Variants in MDGA2 observed in about 807,000 individuals in gnomAD.
The protein encoded by MDGA2 is MAM domain containing glycosylphosphatidylinositol anchor 2.
Under a neutral mutation model 117.8 loss-of-function variants are expected in MDGA2, and 40 were observed. The observed-to-expected ratio is 0.34, with a 90% CI of 0.26 to 0.44. The LOEUF is 0.44. MDGA2 is among the 20% of genes least tolerant of loss of function. The pLI, the probability that MDGA2 is intolerant of heterozygous loss-of-function variation, is 1.00. For missense variants in MDGA2, 1,123 were observed against 1,250.6 expected (o/e 0.90, Z 1.54); for synonymous variants, 452 against 439.0 (o/e 1.03, Z -0.37).
In MDGA2 at chr14:46,882,345, T is replaced by C. The variant is rs1882495222; in HGVS notation, c.2239-124A>G. ...TACGTATATTAATGAATACGTATTA[T>C]TAAAGTTCAAGTTTCTATAATGATA... On this transcript the variant is annotated intron_variant, in intron 10 of 16. Transcript: ENST00000399232. 5.3e-6 allele frequency: 4 copies of C among 754,674 alleles called. No individual in the cohort carries two copies. In the East Asian group the frequency reaches 1.2e-4, roughly 22 times the overall value. 46.7% of individuals were successfully genotyped at this position (754,674 alleles called of 1,614,324 possible).
intron 1 of MDGA2, among the ~76,000 whole-genome samples, chr14:47,486,685 T>C (rs1012928494): frequency 1.3e-5 from 2 of 152,146 alleles, no homozygotes; most frequent in African/African-American, 2.4e-5. Flanking sequence ...TTTCCCATGC[T>C]GTTCTCATAA....
chr14:46,877,986 A>C (rs1371568807), intron 11 of MDGA2, among the ~76,000 whole-genome samples: 1 of 151,938 alleles, frequency 6.6e-6, no homozygotes, highest in East Asian at 1.9e-4. Flanking sequence ...AAAATAAAGC[A>C]ATCCTGATAT....
chr14:47,290,659 C>T (rs1888852622), intron 2 of MDGA2, among the ~76,000 whole-genome samples: 1 of 151,806 alleles, frequency 6.6e-6, no homozygotes, highest in Non-Finnish European at 1.5e-5. Flanking sequence ...AGGTCAGCAG[C>T]AAAGAAGAAG....
At chr14:46,908,055 C>T (rs1351881731) in intron 10 of MDGA2, among the ~76,000 whole-genome samples, 1 of 152,156 alleles carries the variant, frequency 6.6e-6, no homozygotes, top group Non-Finnish European at 1.5e-5. Context: ...ATAACCCTCA[C>T]ACATATCATC....
intron 1 of MDGA2, among the ~76,000 whole-genome samples, chr14:47,668,111 A>C (rs1325110504): frequency 2.0e-5 from 3 of 152,246 alleles, no homozygotes; most frequent in Non-Finnish European, 2.9e-5. Context: ...ATGTTGAAAC[A>C]GAAAGCACAG....
chr14:47,426,793 T>C (rs1892700992), intron 1 of MDGA2, among the ~76,000 whole-genome samples: 2 of 81,314 alleles, frequency 2.5e-5, no homozygotes, highest in Non-Finnish European at 5.2e-5. Context: ...ATAAAGACTT[T>C]AATATAAATA....
intron 1 of MDGA2, among the ~76,000 whole-genome samples, chr14:47,499,833 C>A (rs188514830): frequency 1.1e-4 from 16 of 152,202 alleles, no homozygotes. Context: ...CATTTTCAAT[C>A]GGATCTAATT....
At chr14:47,506,742 G>T (rs1003539342) in intron 1 of MDGA2, among the ~76,000 whole-genome samples, 2 of 152,108 alleles carry the variant, frequency 1.3e-5, no homozygotes, top group Non-Finnish European at 2.9e-5. Context: ...AGGCCGGGCG[G>T]GGCAGCTCAC....
At chr14:47,574,875 C>T (rs1566522858) in intron 1 of MDGA2, among the ~76,000 whole-genome samples, 1 of 152,184 alleles carries the variant, frequency 6.6e-6, no homozygotes, top group Non-Finnish European at 1.5e-5. Flanking sequence ...AGTCTGGCCC[C>T]AGAGTCTGTG....
intron 1 of MDGA2, among the ~76,000 whole-genome samples, chr14:47,432,113 G>T (rs891058314): frequency 6.6e-6 from 1 of 151,592 alleles, no homozygotes; most frequent in African/African-American, 2.4e-5. Context: ...TAACCTATGG[G>T]TGCTGTGCAC....
chr14:47,552,443 G>T (rs566654606), intron 1 of MDGA2, among the ~76,000 whole-genome samples: 1 of 152,290 alleles, frequency 6.6e-6, no homozygotes, highest in South Asian at 2.1e-4. Flanking sequence ...CCTTTCCATT[G>T]TTCAGGCCAA....
At chr14:46,960,494 A>G (rs1885752111) in intron 8 of MDGA2, 2 of 152,106 alleles carry the variant, frequency 1.3e-5, no homozygotes, top group Admixed American at 6.5e-5. Flanking sequence ...GAAGTTCTTT[A>G]TAGGACACCA....
chr14:47,625,639 C>G (rs1443055947), intron 1 of MDGA2, among the ~76,000 whole-genome samples: 1 of 152,128 alleles, frequency 6.6e-6, no homozygotes, highest in East Asian at 1.9e-4. Flanking sequence ...TCTTTATTTT[C>G]AGTGTCTCAA....
At chr14:47,278,011 G>T (rs1888359740) in intron 2 of MDGA2, among the ~76,000 whole-genome samples, 1 of 152,104 alleles carries the variant, frequency 6.6e-6, no homozygotes. Flanking sequence ...GAGTTAGGGA[G>T]GGAAAGCCCA....
intron 1 of MDGA2, among the ~76,000 whole-genome samples, chr14:47,587,101 C>T (rs776561464): frequency 2.6e-5 from 4 of 151,714 alleles, no homozygotes; most frequent in Non-Finnish European, 5.9e-5. Flanking sequence ...CAAATGGAAG[C>T]TAAATAATGA....
In MDGA2 at chr14:47,200,693, T is replaced by G. The variant is rs887696487; in HGVS notation, c.595+17328A>C. 5 of 990,342 alleles carry G rather than the reference T, an allele frequency of 5.0e-6. No individual in the cohort carries two copies. The African/African-American group carries it at 7.9e-5, about 16-fold the overall frequency. 61.3% of individuals were successfully genotyped at this position (990,342 alleles called of 1,614,324 possible). ...CTGTTTCTTCTTCCAGTACTGGATC[T>G]TGGCCTTCTCCTTCCTCTTCTCCTG... On this transcript the variant is annotated intron_variant, in intron 3 of 16. Coordinates refer to ENST00000399232, the MANE Select transcript of MDGA2 (RefSeq NM_001113498.3).
chr14:47,579,209 T>C (rs536797771), intron 1 of MDGA2, among the ~76,000 whole-genome samples: 2 of 152,226 alleles, frequency 1.3e-5, no homozygotes, highest in South Asian at 4.1e-4. Context: ...GATCAAGTTT[T>C]TGTAGTAAAG....
At chr14:47,605,741 C>A (rs1231743037) in intron 1 of MDGA2, among the ~76,000 whole-genome samples, 1 of 152,122 alleles carries the variant, frequency 6.6e-6, no homozygotes, top group Non-Finnish European at 1.5e-5. Context: ...CTGATAATCC[C>A]CCACAAAAGG....
chr14:47,573,819 C>A (rs1896064950), intron 1 of MDGA2, among the ~76,000 whole-genome samples: 1 of 151,948 alleles, frequency 6.6e-6, no homozygotes, highest in Non-Finnish European at 1.5e-5. Flanking sequence ...CATTTGTTAA[C>A]CTTATTTTAA....
Sources: gnomAD v4.1 joint callset for allele counts (sites outside exome capture counted in the v4.1 genomes callset) on GRCh38, gnomAD v4.1.1 for gene constraint, MANE v1.5 for transcripts, NCBI Gene and HGNC (gene_info 2026-07-23, HGNC 2026-07-21) for gene names.